The following NEGR1 variants were observed in gnomAD, a reference collection of about 807,000 sequenced individuals.
The protein encoded by NEGR1 is IgLON family member 4.
Under a neutral mutation model 40.9 loss-of-function variants are expected in NEGR1, and 10 were observed. That is an observed-to-expected ratio of 0.24 (90% CI 0.15 to 0.42). The LOEUF is 0.42. Among genes scored for constraint, NEGR1 ranks in the 10% least tolerant of loss-of-function variants. NEGR1 has a pLI of 1.00. For synonymous variants in NEGR1, 185 were observed against 166.8 expected (o/e 1.11, Z -0.84); for missense variants, 352 against 438.9 (o/e 0.80, Z 1.77).
chr1:71,504,740 C>T (rs1038053564), intron 6 of NEGR1, among the ~76,000 whole-genome samples: 2 of 151,972 alleles, frequency 1.3e-5, no homozygotes, highest in African/African-American at 2.4e-5. Context: ...GGACAGTATC[C>T]GAGGTAAAAG....
At chr1:71,717,972 T>C (rs1369470878) in intron 3 of NEGR1, among the ~76,000 whole-genome samples, 1 of 152,182 alleles carries the variant, frequency 6.6e-6, no homozygotes, top group Non-Finnish European at 1.5e-5. Flanking sequence ...TGGCCAAATC[T>C]TGATCTCAGA....
intron 3 of NEGR1, among the ~76,000 whole-genome samples, chr1:71,753,701 T>C (rs1655641887): frequency 6.6e-6 from 1 of 152,180 alleles, no homozygotes; most frequent in Non-Finnish European, 1.5e-5. Flanking sequence ...CATTGTTTCT[T>C]TAATAGATCC....
intron 3 of NEGR1, among the ~76,000 whole-genome samples, chr1:71,711,744 A>G (rs748796092): frequency 1.1e-4 from 16 of 152,214 alleles, no homozygotes; most frequent in South Asian, 4.1e-4. Context: ...ATATCCTTCA[A>G]TGCATGAAAG....
intron 1 of NEGR1, among the ~76,000 whole-genome samples, chr1:72,074,464 G>C (rs1328882900): frequency 6.6e-6 from 1 of 151,720 alleles, no homozygotes; most frequent in African/African-American, 2.4e-5. Context: ...GTGTATCTCT[G>C]TCCACTGCTG....
At chr1:71,978,101 T>C (rs1646322587) in intron 1 of NEGR1, among the ~76,000 whole-genome samples, 1 of 80,318 alleles carries the variant, frequency 1.2e-5, no homozygotes, top group Non-Finnish European at 2.6e-5. Context: ...TCTAGAGTCT[T>C]TTTTTTGTGA....
intron 1 of NEGR1, among the ~76,000 whole-genome samples, chr1:72,041,187 T>G (rs1219077593): frequency 6.6e-6 from 1 of 152,058 alleles, no homozygotes. Context: ...TTTGTATACC[T>G]GTTATTTGTA....
At chr1:72,156,941 T>TTTGTTGTTGTTGTTG (rs71074822) in intron 1 of NEGR1, among the ~76,000 whole-genome samples, 1 of 149,760 alleles carries the variant, frequency 6.7e-6, no homozygotes, top group African/African-American at 2.4e-5. Context: ...TTGTATGTGT[T>TTTGTTGTTGTTGTTG]TTGTTGTTGT....
chr1:71,740,886 A>G (rs1172237419), intron 3 of NEGR1, among the ~76,000 whole-genome samples: 1 of 152,148 alleles, frequency 6.6e-6, no homozygotes, highest in Non-Finnish European at 1.5e-5. Context: ...TGGAAATTTC[A>G]GAGTTGACAA....
intron 1 of NEGR1, among the ~76,000 whole-genome samples, chr1:72,155,754 T>C (rs776342990): frequency 6.6e-6 from 1 of 152,104 alleles, no homozygotes; most frequent in Non-Finnish European, 1.5e-5. Context: ...TAAGCCTAGG[T>C]TTCCTTACCT....
At chr1:71,457,951 C>T (rs1486285615) in intron 6 of NEGR1, among the ~76,000 whole-genome samples, 1 of 152,230 alleles carries the variant, frequency 6.6e-6, no homozygotes, top group African/African-American at 2.4e-5. Flanking sequence ...ATCCGCCCAC[C>T]TTGGCCTCCC....
intron 1 of NEGR1, among the ~76,000 whole-genome samples, chr1:72,033,187 A>G (rs1646874126): frequency 6.6e-6 from 1 of 152,162 alleles, no homozygotes; most frequent in Admixed American, 6.5e-5. Context: ...ACATTTACTT[A>G]AGCAACTATA....
intron 1 of NEGR1, among the ~76,000 whole-genome samples, chr1:72,087,328 G>A (rs1252269207): frequency 6.6e-6 from 1 of 152,038 alleles, no homozygotes; most frequent in African/African-American, 2.4e-5. Context: ...CTACTCCAGA[G>A]GCTGAGGCAG....
intron 1 of NEGR1, among the ~76,000 whole-genome samples, chr1:71,991,190 A>C (rs1646447649): frequency 6.6e-6 from 1 of 152,148 alleles, no homozygotes; most frequent in Non-Finnish European, 1.5e-5. Context: ...TAATTTATTC[A>C]CAACTACTCT....
At chr1:71,944,733 T>A (rs1278932589) in intron 1 of NEGR1, among the ~76,000 whole-genome samples, 1 of 152,188 alleles carries the variant, frequency 6.6e-6, no homozygotes, top group Admixed American at 6.5e-5. Flanking sequence ...TCTTTAAGCA[T>A]CCTGCCAGGC....
chr1:71,911,926 C>G (rs1661430539), intron 2 of NEGR1, among the ~76,000 whole-genome samples: 1 of 152,092 alleles, frequency 6.6e-6, no homozygotes, highest in African/African-American at 2.4e-5. Context: ...TCATAAAATA[C>G]AGATGAGAAT....
intron 1 of NEGR1, among the ~76,000 whole-genome samples, chr1:72,267,637 A>C (rs1334404671): frequency 6.6e-6 from 1 of 151,338 alleles, no homozygotes; most frequent in Non-Finnish European, 1.5e-5. Context: ...TGTTAAAATA[A>C]TTGATAAAAT....
intron 5 of NEGR1, among the ~76,000 whole-genome samples, chr1:71,609,514 C>CAA (rs61728217): frequency 0.082 from 1,970 of 24,074 alleles, 764 homozygotes; most frequent in Non-Finnish European, 0.14. Flanking sequence ...GACTCCGTCT[C>CAA]AAAAAAAAAA....
chr1:72,245,232 T>G (rs1272627902), intron 1 of NEGR1, among the ~76,000 whole-genome samples: 2 of 152,100 alleles, frequency 1.3e-5, no homozygotes, highest in Admixed American at 6.6e-5. Flanking sequence ...TTGTGAGCAT[T>G]TCCATGCTGG....
At chr1:71,778,340 T>C (rs1046749603) in intron 2 of NEGR1, among the ~76,000 whole-genome samples, 2 of 152,132 alleles carry the variant, frequency 1.3e-5, no homozygotes, top group Non-Finnish European at 2.9e-5. Context: ...ATTTTCAGTA[T>C]AGTATTTGAT....
Sources: gnomAD v4.1 joint callset for allele counts (sites outside exome capture counted in the v4.1 genomes callset) on GRCh38, gnomAD v4.1.1 for gene constraint, MANE v1.5 for transcripts, NCBI Gene and HGNC (gene_info 2026-07-23, HGNC 2026-07-21) for gene names.